The following GRIK4 variants were observed in gnomAD, a reference collection of about 807,000 sequenced individuals.
GRIK4 encodes the protein glutamate ionotropic receptor kainate type subunit 4.
A neutral mutation model predicts 104.9 loss-of-function variants in GRIK4; 40 were observed. That is an observed-to-expected ratio of 0.38 (90% confidence interval 0.30 to 0.50). The LOEUF (loss-of-function observed/expected upper bound fraction) is 0.50. GRIK4 is among the 20% of genes least tolerant of loss of function. The pLI, the probability that GRIK4 is intolerant of heterozygous loss-of-function variation, is 0.93. For missense variants in GRIK4, 1,047 were observed against 1,308.1 expected (o/e 0.80, Z 3.08); for synonymous variants, 485 against 524.9 (o/e 0.92, Z 1.04).
intron 1 of GRIK4, among the ~76,000 whole-genome samples, chr11:120,530,261 A>G (rs374822272): frequency 1.3e-4 from 20 of 152,262 alleles, no homozygotes; most frequent in African/African-American, 3.9e-4. Flanking sequence ...AGTTTAAAAA[A>G]TAATGGTGAG....
At chr11:120,713,175 G>T (rs999193795) in intron 3 of GRIK4, among the ~76,000 whole-genome samples, 1 of 152,170 alleles carries the variant, frequency 6.6e-6, no homozygotes, top group Admixed American at 6.5e-5. Context: ...TAATAAACTT[G>T]TCCAAGTCAA....
chr11:120,648,093 C>T (rs1220927916), intron 1 of GRIK4, among the ~76,000 whole-genome samples: 2 of 152,224 alleles, frequency 1.3e-5, no homozygotes, highest in African/African-American at 4.8e-5. Flanking sequence ...TTGTTGAGAG[C>T]AGGGATGACC....
chr11:120,739,645 C>T (rs959743610), intron 3 of GRIK4, among the ~76,000 whole-genome samples: 1 of 152,206 alleles, frequency 6.6e-6, no homozygotes, highest in Non-Finnish European at 1.5e-5. Flanking sequence ...GTTTAGACAT[C>T]TCTTATTTCA....
intron 3 of GRIK4, among the ~76,000 whole-genome samples, chr11:120,753,315 G>GTGTGTGTGTGTGTGTA (rs1951592147): frequency 1.2e-5 from 1 of 84,056 alleles, no homozygotes; most frequent in African/African-American, 4.6e-5. Context: ...GTGTGTGTGT[G>GTGTGTGTGTGTGTGTA]TGTGTGTGTG....
chr11:120,790,507 G>C (rs2135490881), intron 3 of GRIK4, among the ~76,000 whole-genome samples: 1 of 152,256 alleles, frequency 6.6e-6, no homozygotes, highest in South Asian at 2.1e-4. Flanking sequence ...GTTCCAGGAA[G>C]AGACCACCTG....
intron 1 of GRIK4, among the ~76,000 whole-genome samples, chr11:120,595,077 C>T (rs1948784637): frequency 1.3e-5 from 2 of 152,188 alleles, no homozygotes; most frequent in South Asian, 4.1e-4. Flanking sequence ...ATAATGAATG[C>T]CTTTATGGTT....
At chr11:120,629,092 G>A (rs192209886) in intron 1 of GRIK4, among the ~76,000 whole-genome samples, 136 of 152,260 alleles carry the variant, frequency 8.9e-4, no homozygotes, top group African/African-American at 2.6e-3. Flanking sequence ...GGGAAGCCTG[G>A]TGTAGCCATG....
intron 19 of GRIK4, among the ~76,000 whole-genome samples, chr11:120,978,023 A>G (rs1315025909): frequency 1.3e-5 from 2 of 152,204 alleles, no homozygotes; most frequent in Non-Finnish European, 2.9e-5. Context: ...TTCAAACCAA[A>G]TTTAATTAAA....
intron 8 of GRIK4, chr11:120,858,375 A>G (rs570864249): frequency 6.6e-6 from 1 of 152,278 alleles, no homozygotes; most frequent in African/African-American, 2.4e-5. Flanking sequence ...TTTCTAAGAA[A>G]TGTTTCTCTG....
intron 3 of GRIK4, among the ~76,000 whole-genome samples, chr11:120,671,928 A>G (rs970262004): frequency 2.0e-5 from 3 of 152,096 alleles, no homozygotes; most frequent in Non-Finnish European, 4.4e-5. Context: ...CAAAGGTGAG[A>G]TGGTTGTAGA....
At chr11:120,951,480 C>G (rs1468085053) in intron 14 of GRIK4, among the ~76,000 whole-genome samples, 1 of 152,188 alleles carries the variant, frequency 6.6e-6, no homozygotes, top group Non-Finnish European at 1.5e-5. Context: ...AAATGACATG[C>G]CTTGATAGTG....
rs79056905 is a variant in GRIK4 at position 120,597,879 on chromosome 11, G to A, written c.-158-55806G>A. Reference sequence around the variant, plus strand: ...ACTTTCAGGAGCGGGAGTGCCTGCCGTTGAAGACTCCTGTTCCGAGCCCTA... The same window carrying A: ...ACTTTCAGGAGCGGGAGTGCCTGCCATTGAAGACTCCTGTTCCGAGCCCTA... On this transcript the variant is annotated intron_variant, in intron 1 of 20. Transcript: ENST00000527524. Among the ~76,000 whole-genome samples the A allele has an allele frequency of 2.2e-3, 332 of 152,260 alleles. 6 individuals are homozygous for A. The East Asian group carries it at 0.051, about 23-fold the overall frequency.
At chr11:120,584,374 G>T (rs1329226985) in intron 1 of GRIK4, among the ~76,000 whole-genome samples, 1 of 152,214 alleles carries the variant, frequency 6.6e-6, no homozygotes, top group Non-Finnish European at 1.5e-5. Context: ...TCACAGATCT[G>T]CAGGCTTTAC....
chr11:120,667,590 G>A (rs1200980515), intron 3 of GRIK4, among the ~76,000 whole-genome samples: 1 of 152,238 alleles, frequency 6.6e-6, no homozygotes, highest in Non-Finnish European at 1.5e-5. Flanking sequence ...TCAGCTTTAC[G>A]GGGGCTGGGG....
chr11:120,654,846 C>A (rs907981606), intron 2 of GRIK4, among the ~76,000 whole-genome samples: 1 of 152,062 alleles, frequency 6.6e-6, no homozygotes. Context: ...AGGACTCAGC[C>A]CCATGTTCTT....
intron 3 of GRIK4, among the ~76,000 whole-genome samples, chr11:120,753,665 A>C (rs1481071833): frequency 6.6e-6 from 1 of 152,154 alleles, no homozygotes; most frequent in Non-Finnish European, 1.5e-5. Flanking sequence ...GCCCAATCTT[A>C]GGTGCTGTGG....
chr11:120,726,894 C>A (rs1026954381), intron 3 of GRIK4, among the ~76,000 whole-genome samples: 1 of 152,112 alleles, frequency 6.6e-6, no homozygotes. Flanking sequence ...AACCAAAAAT[C>A]CATAGACAAC....
intron 1 of GRIK4, among the ~76,000 whole-genome samples, chr11:120,615,460 C>T (rs747951683): frequency 5.3e-5 from 8 of 152,198 alleles, no homozygotes; most frequent in Non-Finnish European, 1.0e-4. Flanking sequence ...ATGGAAGCTG[C>T]CTTTAAGTCA....
At chr11:120,919,520 A>G (rs1369500585) in intron 13 of GRIK4, among the ~76,000 whole-genome samples, 1 of 152,156 alleles carries the variant, frequency 6.6e-6, no homozygotes, top group Non-Finnish European at 1.5e-5. Flanking sequence ...GACCTACTTA[A>G]CCTGAAACTC....
Sources: gnomAD v4.1 joint callset for allele counts (sites outside exome capture counted in the v4.1 genomes callset) on GRCh38, gnomAD v4.1.1 for gene constraint, MANE v1.5 for transcripts, NCBI Gene and HGNC (gene_info 2026-07-23, HGNC 2026-07-21) for gene names.